The following IFNGR2 variants were observed in gnomAD, a reference collection of about 807,000 sequenced individuals.
IFNGR2 encodes the protein IFN-gamma receptor 2.
Under a neutral mutation model 41.1 loss-of-function variants are expected in IFNGR2, and 15 were observed. That is an observed-to-expected ratio of 0.37 (90% CI 0.24 to 0.56). The LOEUF (loss-of-function observed/expected upper bound fraction) is 0.56, where lower values mean the gene tolerates loss of function less well. Ranked by LOEUF, IFNGR2 falls within the 20% of genes least tolerant of loss-of-function variation. IFNGR2 has a pLI of 0.81. For missense variants in IFNGR2, 362 were observed against 415.7 expected, an observed-to-expected ratio of 0.87 and a Z score of 1.12; for synonymous variants, 161 against 171.6, an observed-to-expected ratio of 0.94 and a Z score of 0.48.
intron 2 of IFNGR2, among the ~76,000 whole-genome samples, chr21:33,418,622 CT>C (rs1162974355): frequency 6.6e-6 from 1 of 152,080 alleles, no homozygotes; most frequent in Non-Finnish European, 1.5e-5. Flanking sequence ...ATGAAGATGC[CT>C]TTGTTTTTTG....
intron 1 of IFNGR2, 85 bp downstream of exon 1, chr21:33,403,701 G>A: frequency 2.1e-6 from 2 of 940,746 alleles, no homozygotes; most frequent in Non-Finnish European, 2.8e-6. Context: ...CGTGGGGTGG[G>A]GGGAATCTGC....
At chr21:33,433,743 A>T (rs759255731) in intron 6 of IFNGR2, among the ~76,000 whole-genome samples, 83 of 151,862 alleles carry the variant, frequency 5.5e-4, no homozygotes, top group Non-Finnish European at 9.9e-4. Flanking sequence ...ACCTAAAAAG[A>T]GTTATGATGG....
Position 33,403,442 on chromosome 21 carries a change from C to G in IFNGR2, c.-102C>G. ...CTCGGGAAGAGGCGGGCCCTGCGCG[C>G]CCTGCGCTCGCCATGGCGGTTTGGG... is the stretch of plus-strand genomic sequence containing the variant. On this transcript the variant is annotated 5_prime_UTR_variant, in exon 1 of 7. Transcript: ENST00000290219. The G allele has an allele frequency of 4.5e-6, 3 of 670,258 alleles. No homozygotes were observed. The highest frequency in any genetic ancestry group is 5.7e-6 in the Non-Finnish European group (3 of 522,582). The allele number at this position is 670,258 out of a possible 1,614,324, so 41.5% of individuals were successfully genotyped here.
intron 6 of IFNGR2, among the ~76,000 whole-genome samples, chr21:33,434,605 C>T (rs780836171): frequency 2.6e-5 from 4 of 152,148 alleles, no homozygotes; most frequent in Non-Finnish European, 5.9e-5. Flanking sequence ...GTGTTGGAAG[C>T]AGAATGTTAC....
At chr21:33,423,331 A>G (rs1480942995) in intron 3 of IFNGR2, among the ~76,000 whole-genome samples, 2 of 149,126 alleles carry the variant, frequency 1.3e-5, no homozygotes, top group Non-Finnish European at 3.0e-5. Context: ...GAGCCACCGC[A>G]CCCAGCCTAT....
chr21:33,407,846 A>ACCCCCCCCCCCCCCCCCCCCCCCCCCC (rs55734282), intron 1 of IFNGR2, among the ~76,000 whole-genome samples: 1 of 86,752 alleles, frequency 1.2e-5, no homozygotes, highest in African/African-American at 4.6e-5. Flanking sequence ...TCCCCACCGC[A>ACCCCCCCCCCCCCCCCCCCCCCCCCCC]CCCCCCCCCG....
At chr21:33,412,340 C>T (rs2083723262) in intron 1 of IFNGR2, among the ~76,000 whole-genome samples, 1 of 152,156 alleles carries the variant, frequency 6.6e-6, no homozygotes, top group Admixed American at 6.5e-5. Context: ...ACCAGACCAA[C>T]TCAAAGTGTT....
At chr21:33,433,330 G>T (rs1229737317) in intron 6 of IFNGR2, among the ~76,000 whole-genome samples, 2 of 152,204 alleles carry the variant, frequency 1.3e-5, no homozygotes, top group African/African-American at 2.4e-5. Context: ...ATGTTGACAC[G>T]ATTCACAACA....
Position 33,426,999 on chromosome 21 carries a change from T to A in IFNGR2, c.528T>A (p.Tyr176Ter), listed in dbSNP as rs121913210. 1 of 1,613,572 alleles carries A rather than the reference T, an allele frequency of 6.2e-7. No homozygotes were observed. ...CCTCCACGGCCTTTTTTTGTTATTATGTCCATTACTGGGAAAAAGGAGGAA... is the reference window on the plus strand; with the variant it reads ...CCTCCACGGCCTTTTTTTGTTATTAAGTCCATTACTGGGAAAAAGGAGGAA... ...ADTSTAFFCYYVHYWEKGGIQ... is the reference protein window; with the variant it reads ...ADTSTAFFCY The change falls in exon 4 of 7, where the codon TAT (tyrosine) becomes TAA (stop). Residue 176 changes from tyrosine (Y) to a stop codon, truncating the protein, a stop_gained. Transcript: ENST00000290219. LOFTEE classifies it high-confidence loss of function.
At chr21:33,405,182 T>A (rs1342280810) in intron 1 of IFNGR2, among the ~76,000 whole-genome samples, 1 of 152,036 alleles carries the variant, frequency 6.6e-6, no homozygotes, top group Non-Finnish European at 1.5e-5. Flanking sequence ...TGTGTATGTA[T>A]CTGCTTTTGT....
intron 1 of IFNGR2, among the ~76,000 whole-genome samples, chr21:33,406,438 C>A (rs2083678345): frequency 6.6e-6 from 1 of 152,012 alleles, no homozygotes; most frequent in Admixed American, 6.6e-5. Flanking sequence ...TATTTTGCAA[C>A]TATTTGAACA....
chr21:33,416,885 G>A (rs1479437604), intron 2 of IFNGR2, among the ~76,000 whole-genome samples: 1 of 150,078 alleles, frequency 6.7e-6, no homozygotes, highest in African/African-American at 2.4e-5. Context: ...ATTTGTTAGA[G>A]GAGTAGGTTT....
chr21:33,407,853 C>A (rs557105629), intron 1 of IFNGR2, among the ~76,000 whole-genome samples: 5 of 143,850 alleles, frequency 3.5e-5, no homozygotes, highest in African/African-American at 7.8e-5. Context: ...CGCACCCCCC[C>A]CCGCCAACCC....
At chr21:33,432,549 A>T in intron 5 of IFNGR2, 165 bp from the exon 6 acceptor site, 1 of 887,886 alleles carries the variant, frequency 1.1e-6, no homozygotes, top group African/African-American at 1.6e-5. Flanking sequence ...TACAGGATTG[A>T]CTTTAGCTAT....
rs561871955 is a variant in IFNGR2, at chr21:33,427,679, A to C, written c.561+647A>C. ...TGGTCTTGAAGCATCTCCAGTGCCTAAATTATCCTAGCTGCATTTAAGGAG... is the reference window on the plus strand; with the variant it reads ...TGGTCTTGAAGCATCTCCAGTGCCTCAATTATCCTAGCTGCATTTAAGGAG... On this transcript the variant is annotated intron_variant, in intron 4 of 6. Transcript: ENST00000290219. Among the ~76,000 whole-genome samples, 3 of 152,238 alleles carry C rather than the reference A, an allele frequency of 2.0e-5. No individual in the cohort carries two copies. The East Asian group carries it at 5.8e-4, about 29-fold the overall frequency.
intron 3 of IFNGR2, among the ~76,000 whole-genome samples, chr21:33,426,194 C>G (rs2083834275): frequency 6.6e-6 from 1 of 151,954 alleles, no homozygotes; most frequent in African/African-American, 2.4e-5. Flanking sequence ...AGGCGGATCA[C>G]CTGAGGTCAG....
At chr21:33,419,179 C>T (rs1417442705) in intron 2 of IFNGR2, among the ~76,000 whole-genome samples, 1 of 152,192 alleles carries the variant, frequency 6.6e-6, no homozygotes, top group Non-Finnish European at 1.5e-5. Context: ...GATCTCAGCT[C>T]ACTGAAACCT....
intron 1 of IFNGR2, 137 bp from the exon 2 acceptor site, chr21:33,414,751 C>G: frequency 9.6e-7 from 1 of 1,042,860 alleles, no homozygotes; most frequent in Non-Finnish European, 1.4e-6. Flanking sequence ...CCAGGGGGAC[C>G]TGGTAATGCC....
chr21:33,432,763 G>T lies in IFNGR2; in HGVS notation c.771G>T (p.Ser257=). 6.2e-7 allele frequency: 1 copy of T among 1,614,048 alleles called. No homozygotes were observed. The highest frequency in any genetic ancestry group is 8.5e-7 in the Non-Finnish European group (1 of 1,179,980). Residue 257 remains serine, a synonymous_variant, in exon 6 of 7, where the codon TCG becomes TCT. Coordinates refer to ENST00000290219, the MANE Select transcript of IFNGR2 (RefSeq NM_005534.4). ...QVILISVGTF[S]LLSVLAGACF... ...TCCTGATCTCCGTGGGAACATTTTC[G>T]TTGCTGTCGGTGCTGGCAGGAGCCT...
Sources: allele counts gnomAD v4.1 joint callset (sites outside exome capture counted in the v4.1 genomes callset), GRCh38; gene constraint gnomAD v4.1.1; transcripts MANE v1.5; gene names NCBI Gene and HGNC (gene_info 2026-07-23, HGNC 2026-07-21).